The following CTIF variants were observed in gnomAD, a reference collection of about 807,000 sequenced individuals.
CTIF encodes the protein cap binding complex dependent translation initiation factor.
In CTIF, 21 loss-of-function variants were observed where a neutral mutation model predicts 66.0. The observed-to-expected ratio is 0.32, with a 90% CI of 0.23 to 0.46. The LOEUF is 0.46. Ranked by LOEUF, CTIF falls within the 20% of genes least tolerant of loss-of-function variation. The pLI, the probability that CTIF is intolerant of heterozygous loss-of-function variation, is 1.00. For synonymous variants in CTIF, 345 were observed against 326.4 expected, an observed-to-expected ratio of 1.06 and a Z score of -0.62; for missense variants, 739 against 812.7, an observed-to-expected ratio of 0.91 and a Z score of 1.10.
chr18:48,540,643 C>T (rs962451031), intron 1 of CTIF, among the ~76,000 whole-genome samples: 1 of 152,096 alleles, frequency 6.6e-6, no homozygotes, highest in Non-Finnish European at 1.5e-5. Flanking sequence ...GGAGGGCTGA[C>T]TGGCGGCGCC....
intron 6 of CTIF, among the ~76,000 whole-genome samples, chr18:48,676,750 T>C (rs299737): frequency 0.98 from 148,130 of 151,878 alleles, 72,331 homozygotes; most frequent in Middle Eastern, 1. Flanking sequence ...ACACGGGAGA[T>C]GGCTAAAGGA....
intron 1 of CTIF, among the ~76,000 whole-genome samples, chr18:48,611,275 G>A (rs1266963556): frequency 2.6e-5 from 4 of 152,260 alleles, no homozygotes; most frequent in South Asian, 2.1e-4. Context: ...TTGCAGGACT[G>A]TAAGCAGGTG....
At chr18:48,731,480 C>T (rs563591102) in intron 7 of CTIF, among the ~76,000 whole-genome samples, 6 of 152,286 alleles carry the variant, frequency 3.9e-5, no homozygotes, top group South Asian at 2.1e-4. Flanking sequence ...AGTGGAACTC[C>T]GTTAACCCTC....
intron 1 of CTIF, among the ~76,000 whole-genome samples, chr18:48,585,094 C>A (rs1043460933): frequency 5.3e-5 from 8 of 152,196 alleles, no homozygotes; most frequent in Non-Finnish European, 7.3e-5. Context: ...GTGAGGCCTG[C>A]GGATGGGGCA....
At chr18:48,841,066 C>A (rs1392589373) in intron 10 of CTIF, among the ~76,000 whole-genome samples, 1 of 152,186 alleles carries the variant, frequency 6.6e-6, no homozygotes, top group Non-Finnish European at 1.5e-5. Context: ...CCTCCAATGA[C>A]CCTTGCTCGT....
chr18:48,817,453 A>G (rs2146329148), intron 10 of CTIF, 77 bp downstream of exon 10: 1 of 1,510,952 alleles, frequency 6.6e-7, no homozygotes, highest in Non-Finnish European at 8.9e-7. Flanking sequence ...TAACTGGGAC[A>G]AAGCTGTGAG....
chr18:48,720,276 C>T (rs191844039), intron 7 of CTIF, among the ~76,000 whole-genome samples: 301 of 152,088 alleles, frequency 2.0e-3, no homozygotes, highest in African/African-American at 6.6e-3. Flanking sequence ...GAGATGGGGA[C>T]GGGGGGGATG....
At chr18:48,807,527 A>G (rs2068172629) in intron 9 of CTIF, among the ~76,000 whole-genome samples, 1 of 103,882 alleles carries the variant, frequency 9.6e-6, no homozygotes, top group South Asian at 2.8e-4. Flanking sequence ...TTAACATTAT[A>G]TAAACATTTT....
chr18:48,724,672 G>A (rs1195618269), intron 7 of CTIF, among the ~76,000 whole-genome samples: 2 of 152,234 alleles, frequency 1.3e-5, no homozygotes, highest in African/African-American at 4.8e-5. Flanking sequence ...AGCTTTCCCT[G>A]CTGTGTGTGA....
chr18:48,654,674 C>T (rs1198430584), intron 3 of CTIF, among the ~76,000 whole-genome samples: 3 of 152,166 alleles, frequency 2.0e-5, no homozygotes, highest in East Asian at 1.9e-4. Flanking sequence ...CACATGCACA[C>T]GTATGTTTGT....
intron 9 of CTIF, among the ~76,000 whole-genome samples, chr18:48,808,107 A>G (rs2068187217): frequency 6.6e-6 from 1 of 152,234 alleles, no homozygotes; most frequent in Non-Finnish European, 1.5e-5. Flanking sequence ...CAATGCCCAT[A>G]TATAAGTGCC....
intron 7 of CTIF, among the ~76,000 whole-genome samples, chr18:48,752,248 G>A (rs182769007): frequency 9.5e-4 from 145 of 152,294 alleles, no homozygotes; most frequent in African/African-American, 3.1e-3. Context: ...GGCCGCCCAC[G>A]GTGGCAGGAG....
chr18:48,579,514 G>T (rs1324242684), intron 1 of CTIF, among the ~76,000 whole-genome samples: 1 of 152,090 alleles, frequency 6.6e-6, no homozygotes, highest in African/African-American at 2.4e-5. Flanking sequence ...TTTTTCCATT[G>T]AATTGCCTTT....
At chr18:48,713,135 T>C (rs1288559152) in intron 7 of CTIF, among the ~76,000 whole-genome samples, 3 of 152,068 alleles carry the variant, frequency 2.0e-5, no homozygotes, top group African/African-American at 7.2e-5. Flanking sequence ...GGGTTCCTGG[T>C]AGAGGGAAGA....
intron 6 of CTIF, among the ~76,000 whole-genome samples, chr18:48,697,213 C>T (rs113833367): frequency 1.0e-3 from 153 of 152,296 alleles, no homozygotes; most frequent in African/African-American, 3.5e-3. Context: ...TATGGAGGCT[C>T]ATGGTATCTA....
chr18:48,732,083 A>C (rs2145674452), intron 7 of CTIF, among the ~76,000 whole-genome samples: 1 of 152,326 alleles, frequency 6.6e-6, no homozygotes, highest in East Asian at 1.9e-4. Context: ...TGAAGTTTCC[A>C]TTCCTACCTT....
At chr18:48,667,948 C>T (rs2091463732) in intron 5 of CTIF, among the ~76,000 whole-genome samples, 1 of 152,232 alleles carries the variant, frequency 6.6e-6, no homozygotes, top group Admixed American at 6.5e-5. Flanking sequence ...TCCTGGGATG[C>T]AGGTACCACT....
chr18:48,593,709 T>A (rs1405181274), intron 1 of CTIF, among the ~76,000 whole-genome samples: 1 of 151,706 alleles, frequency 6.6e-6, no homozygotes, highest in Non-Finnish European at 1.5e-5. Flanking sequence ...ATTTTAAAGC[T>A]GACTTTTATG....
chr18:48,845,030 A>C (rs1266629352), intron 10 of CTIF, among the ~76,000 whole-genome samples: 1 of 152,080 alleles, frequency 6.6e-6, no homozygotes, highest in Non-Finnish European at 1.5e-5. Flanking sequence ...CCAGATTCCC[A>C]GACCATTCTA....
Sources: gnomAD v4.1 joint callset for allele counts (sites outside exome capture counted in the v4.1 genomes callset) on GRCh38, gnomAD v4.1.1 for gene constraint, MANE v1.5 for transcripts, NCBI Gene and HGNC (gene_info 2026-07-23, HGNC 2026-07-21) for gene names.